The following MOBP variants were observed in gnomAD, a reference collection of about 807,000 sequenced individuals.
The protein encoded by MOBP is myelin-associated oligodendrocyte basic protein.
A neutral mutation model predicts 15.0 loss-of-function variants in MOBP; 5 were observed. The ratio of observed to expected loss-of-function variants is 0.33; its 90% confidence interval spans 0.17 to 0.70. MOBP has a LOEUF of 0.70. Among genes scored for constraint, MOBP ranks in the 30% least tolerant of loss-of-function variants. MOBP has a pLI of 0.67. For synonymous variants in MOBP, 88 were observed against 99.0 expected, an observed-to-expected ratio of 0.89 and a Z score of 0.66; for missense variants, 188 against 257.8, an observed-to-expected ratio of 0.73 and a Z score of 1.85.
downstream of MOBP, among the ~76,000 whole-genome samples, chr3:39,518,855 A>G (rs1486672399): frequency 1.3e-5 from 2 of 152,182 alleles, no homozygotes; most frequent in African/African-American, 4.8e-5. Context: ...TTCACAACCA[A>G]TTCACTGCTA....
exon 5 of MOBP, chr3:39,514,702 A>G (rs816493): frequency 0.21 from 31,569 of 152,258 alleles, 3,349 homozygotes; most frequent in Middle Eastern, 0.25. Context: ...TCTGAACCCA[A>G]TTATGATGGG....
chr3:39,475,997 T>G (rs2042540643), intron 1 of MOBP, among the ~76,000 whole-genome samples: 1 of 152,194 alleles, frequency 6.6e-6, no homozygotes, highest in Non-Finnish European at 1.5e-5. Context: ...AAAAGAAGCT[T>G]AGTTGGCTCA....
chr3:39,498,326 G>GT (rs58765386), intron 2 of MOBP, among the ~76,000 whole-genome samples: 2 of 151,742 alleles, frequency 1.3e-5, no homozygotes, highest in Non-Finnish European at 2.9e-5. Flanking sequence ...TAGGAGGGCA[G>GT]TTTTTTGTTG....
At chr3:39,494,428 A>G (rs139109303) in intron 2 of MOBP, among the ~76,000 whole-genome samples, 11 of 151,414 alleles carry the variant, frequency 7.3e-5, no homozygotes, top group African/African-American at 2.4e-4. Context: ...TTTAAGTTAT[A>G]TGGAAACCTG....
chr3:39,522,245 A>G (rs978500239), intron 3 of MOBP, among the ~76,000 whole-genome samples: 2 of 152,258 alleles, frequency 1.3e-5, no homozygotes, highest in African/African-American at 4.8e-5. Flanking sequence ...TTAAGCAATT[A>G]GCATAAAGCT....
chr3:39,488,670 C>T (rs566800222), intron 2 of MOBP, among the ~76,000 whole-genome samples: 1 of 152,194 alleles, frequency 6.6e-6, no homozygotes, highest in Non-Finnish European at 1.5e-5. Context: ...CCTTTTTCCC[C>T]CCAGCCTTCC....
rs770206095 is a variant in MOBP, at chr3:39,502,462, G to C, written c.207-73G>C. 3.3e-6 allele frequency: 5 copies of C among 1,534,390 alleles called. No individual in the cohort carries two copies. Among genetic ancestry groups the C allele is most frequent in the Non-Finnish European group, 4.4e-6 (5 of 1,146,414 alleles). On this transcript the variant is annotated intron_variant, in intron 3 of 3. Coordinates refer to ENST00000684792, the MANE Select transcript of MOBP (RefSeq NM_001393704.1). The surrounding 1 kb of genome is among the most constrained non-coding windows in gnomAD (Gnocchi z 6.3). ...AGCAGGGCCTTCCTACCTGTTTCCAGCTCCTGCCAGCGTCGCTTAAGCAGC... is the reference window on the plus strand; with the variant it reads ...AGCAGGGCCTTCCTACCTGTTTCCACCTCCTGCCAGCGTCGCTTAAGCAGC...
chr3:39,488,103 G>A (rs553255345), intron 2 of MOBP, among the ~76,000 whole-genome samples: 2 of 152,124 alleles, frequency 1.3e-5, no homozygotes, highest in South Asian at 4.2e-4. Flanking sequence ...AGGTACTTCA[G>A]GATTCTTGTT....
chr3:39,502,591 C>G lies in MOBP; in HGVS notation c.263C>G (p.Pro88Arg). 1.3e-6 allele frequency: 2 copies of G among 1,571,466 alleles called. No homozygotes were observed. The highest frequency in any genetic ancestry group is 2.3e-5 in the East Asian group (1 of 43,114). The change falls in exon 4 of 4, where the codon CCC (proline) becomes CGC (arginine). Residue 88 changes from proline (P) to arginine (R), a missense_variant. Pro to Arg is a moderately radical substitution (Grantham distance 103, BLOSUM62 -2). Around this residue, in one of 2 missense-constraint regions of MOBP, gnomAD observed 133 missense variants for 212.5 expected, o/e 0.63. Transcript: ENST00000684792. This position sits in a 1 kb window ranked among gnomAD's most constrained non-coding sequence, Gnocchi z 6.3. Reference sequence around the variant, plus strand: ...CCCAAGCAACAGCCAGCTGCGCCCCCCGCGGTGGTCAGAGCGCCAGCCAAG... The same window carrying G: ...CCCAAGCAACAGCCAGCTGCGCCCCGCGCGGTGGTCAGAGCGCCAGCCAAG... ...QRPKQQPAAP[P>R]AVVRAPAKPR... is the part of the protein sequence containing the mutation.
downstream of MOBP, among the ~76,000 whole-genome samples, chr3:39,506,768 G>A (rs1768252): frequency 0.23 from 34,661 of 152,088 alleles, 4,145 homozygotes; most frequent in African/African-American, 0.3. Flanking sequence ...AAGTGGGGCT[G>A]AGCACAAGAG....
At chr3:39,522,751 C>T (rs949125895) in intron 3 of MOBP, among the ~76,000 whole-genome samples, 6 of 152,104 alleles carry the variant, frequency 3.9e-5, no homozygotes, top group South Asian at 2.1e-4. Flanking sequence ...CAAAAGGTTC[C>T]GTATACTGTA....
chr3:39,526,173 A>G (rs901644382), downstream of MOBP: 1 of 152,228 alleles, frequency 6.6e-6, no homozygotes, highest in Non-Finnish European at 1.5e-5. Flanking sequence ...CCAGGCCCAT[A>G]GTGCTTGCTG....
intron 2 of MOBP, among the ~76,000 whole-genome samples, chr3:39,486,099 A>G (rs521226): frequency 0.3 from 45,382 of 152,088 alleles, 9,158 homozygotes; most frequent in African/African-American, 0.57. Flanking sequence ...AAGAGTCTCT[A>G]TGATTTGCTT....
At chr3:39,528,207 CT>C (rs1230371946), downstream of MOBP, 9 of 152,202 alleles carry the variant, frequency 5.9e-5, no homozygotes, top group African/African-American at 2.2e-4. Flanking sequence ...TATAAGGAGA[CT>C]TTATCTGTTC....
chr3:39,489,827 C>T (rs1002351963), intron 2 of MOBP, among the ~76,000 whole-genome samples: 2 of 152,174 alleles, frequency 1.3e-5, no homozygotes, highest in Non-Finnish European at 2.9e-5. Flanking sequence ...GCTGGCCACT[C>T]CGAGTTTCTG....
At chr3:39,504,398 G>A (rs2043022013), downstream of MOBP, among the ~76,000 whole-genome samples, 1 of 152,226 alleles carries the variant, frequency 6.6e-6, no homozygotes, top group Admixed American at 6.5e-5. Context: ...AGAAGACAAT[G>A]AAAGCAAACT....
chr3:39,477,764 G>C (rs1006324546), intron 1 of MOBP, among the ~76,000 whole-genome samples: 1 of 151,766 alleles, frequency 6.6e-6, no homozygotes, highest in African/African-American at 2.4e-5. Context: ...GTAGAAGACA[G>C]TGATATTGAC....
In MOBP at chr3:39,502,497, C is replaced by A. The variant is rs1382120392; in HGVS notation, c.207-38C>A. 3.2e-6 allele frequency: 5 copies of A among 1,550,910 alleles called. No homozygotes were observed. Among genetic ancestry groups the A allele is most frequent in the Admixed American group, 1.9e-5 (1 of 52,696 alleles). ...GCGTCGCTTAAGCAGCAGAGGAGAG[C>A]CCTGGCTCCCGCCTCCAGCTTCTTT... On this transcript the variant is annotated intron_variant, in intron 3 of 3. Transcript: ENST00000684792. This position sits in a 1 kb window ranked among gnomAD's most constrained non-coding sequence, Gnocchi z 6.3.
chr3:39,519,043 A>G (rs9866236), downstream of MOBP, among the ~76,000 whole-genome samples: 7,645 of 152,168 alleles, frequency 0.05, 688 homozygotes, highest in African/African-American at 0.18. Flanking sequence ...AAGTACATCA[A>G]TCTTTGGGTT....
Sources: allele counts gnomAD v4.1 joint callset (sites outside exome capture counted in the v4.1 genomes callset), GRCh38; gene constraint gnomAD v4.1.1; regional missense constraint gnomAD v4.1.1; non-coding constraint Gnocchi (gnomAD v3.1); transcripts MANE v1.5; gene names NCBI Gene and HGNC (gene_info 2026-07-23, HGNC 2026-07-21).